The following NF1 variants were observed in gnomAD, a reference collection of about 807,000 sequenced individuals.
The protein encoded by NF1 is neurofibromin 1.
A neutral mutation model predicts 325.7 loss-of-function variants in NF1; 122 were observed. The ratio of observed to expected loss-of-function variants is 0.37; its 90% CI spans 0.32 to 0.44. The LOEUF (loss-of-function observed/expected upper bound fraction) is 0.44. Among genes scored for constraint, NF1 ranks in the 20% least tolerant of loss-of-function variants. The pLI, the probability that NF1 is intolerant of heterozygous loss-of-function variation, is 1.00. For synonymous variants in NF1, 1,091 were observed against 1,186.0 expected (o/e 0.92, Z 1.65); for missense variants, 2,140 against 3,415.4 (o/e 0.63, Z 9.31).
chr17:31,377,074 G>C lies in NF1; in HGVS notation c.*2919G>C. On this transcript the variant is annotated 3_prime_UTR_variant, in exon 58 of 58. Coordinates refer to ENST00000358273, the MANE Select transcript of NF1 (RefSeq NM_001042492.3). ...TTTGGGTTTTTTGTTTTTTGTTTTTGTTTCTACATCCTTCCCCGACTCCCA... is the reference window on the plus strand; with the variant it reads ...TTTGGGTTTTTTGTTTTTTGTTTTTCTTTCTACATCCTTCCCCGACTCCCA... 4.3e-6 allele frequency: 1 copy of C among 233,402 alleles called. No individual in the cohort carries two copies. Among genetic ancestry groups the C allele is most frequent in the South Asian group, 1.8e-4 (1 of 5,514 alleles). 14.5% of individuals were successfully genotyped at this position (233,402 alleles called of 1,614,324 possible). A position where few individuals can be genotyped will look rare whatever the true frequency, so the allele number is the denominator to read the frequency against.
At chr17:31,119,326 G>A (rs906850906) in intron 1 of NF1, among the ~76,000 whole-genome samples, 1 of 151,948 alleles carries the variant, frequency 6.6e-6, no homozygotes, top group Admixed American at 6.6e-5. Context: ...GGTGTGAGAT[G>A]GTATCTCATT....
chr17:31,372,575 C>T (rs1337632065), intron 57 of NF1, among the ~76,000 whole-genome samples: 1 of 152,192 alleles, frequency 6.6e-6, no homozygotes. Flanking sequence ...AAGAAGCCAT[C>T]CTCATGCCCC....
At chr17:31,145,004 A>T (rs1916490247) in intron 1 of NF1, among the ~76,000 whole-genome samples, 1 of 152,222 alleles carries the variant, frequency 6.6e-6, no homozygotes, top group Admixed American at 6.5e-5. Context: ...AAGGCTTTTC[A>T]TGATCTGACT....
intron 48 of NF1, among the ~76,000 whole-genome samples, chr17:31,347,056 C>A (rs1378901525): frequency 3.3e-5 from 5 of 150,928 alleles, no homozygotes; most frequent in African/African-American, 1.2e-4. Flanking sequence ...GTCTTGGGAA[C>A]CCCCTAAAGT....
intron 1 of NF1, among the ~76,000 whole-genome samples, chr17:31,114,880 C>A (rs1398238863): frequency 2.0e-5 from 3 of 152,094 alleles, no homozygotes; most frequent in African/African-American, 7.2e-5. Flanking sequence ...GAATACAAAT[C>A]TTTGGTGGTC....
intron 36 of NF1, among the ~76,000 whole-genome samples, chr17:31,289,824 T>A (rs1049653280): frequency 1.1e-4 from 16 of 152,300 alleles, no homozygotes; most frequent in South Asian, 4.1e-4. Flanking sequence ...CTTACTTTTT[T>A]AAAAATTTCA....
At position 31,342,845 on chromosome 17, in the gene NF1, A is replaced by G. The variant is rs559716522; in HGVS notation, c.7063-164A>G. Among the ~76,000 whole-genome samples the G allele has an allele frequency of 2.0e-5, 3 of 152,348 alleles. No individual in the cohort carries two copies. The East Asian group carries it at 5.8e-4, about 29-fold the overall frequency. ...GACTGTCTTGCACCAGTTAATTTGTAGTAGCTAAAATGTTCTGTGGTTTTC... is the reference window on the plus strand; with the variant it reads ...GACTGTCTTGCACCAGTTAATTTGTGGTAGCTAAAATGTTCTGTGGTTTTC... On this transcript the variant is annotated intron_variant, in intron 47 of 57. Transcript: ENST00000358273.
chr17:31,297,667 A>G (rs1235165714), intron 36 of NF1: 2 of 152,038 alleles, frequency 1.3e-5, no homozygotes, highest in Non-Finnish European at 2.9e-5. Flanking sequence ...GCCTTTTTAT[A>G]TTCCTTTCTA....
intron 36 of NF1, among the ~76,000 whole-genome samples, chr17:31,308,278 C>CA (rs1385927656): frequency 6.6e-6 from 1 of 152,046 alleles, no homozygotes; most frequent in East Asian, 1.9e-4. Context: ...GCTGGGACTA[C>CA]AGTAGGCATA....
At chr17:31,263,063 G>GA (rs1567864063) in intron 35 of NF1, among the ~76,000 whole-genome samples, 52 of 135,662 alleles carry the variant, frequency 3.8e-4, no homozygotes, top group Middle Eastern at 4.1e-3. Context: ...AGGTAGGTAG[G>GA]TAGGTAGATA....
chr17:31,321,545 A>G (rs753288838), intron 36 of NF1: 1 of 152,164 alleles, frequency 6.6e-6, no homozygotes, highest in Non-Finnish European at 1.5e-5. Flanking sequence ...TTGATAAACC[A>G]CTTCTTTTCT....
intron 31 of NF1, chr17:31,254,378 CAA>C (rs946687452): frequency 6.6e-6 from 1 of 150,874 alleles, no homozygotes; most frequent in Non-Finnish European, 1.5e-5. Context: ...AAATTCAAAT[CAA>C]AATTTAAATT....
rs1459482263 is a variant in NF1, at chr17:31,318,155, C to CTTCT, written c.4836-7664_4836-7661dup. The CTTCT allele has an allele frequency of 8.6e-6, 8 of 925,374 alleles. No homozygotes were observed. In the African/African-American group the frequency reaches 1.3e-4, roughly 15 times the overall value. The allele number at this position is 925,374 out of a possible 1,614,324, so 57.3% of individuals were successfully genotyped here. A position where few individuals can be genotyped will look rare whatever the true frequency, so the allele number is the denominator to read the frequency against. ...CAGTTTAAATAATTAAGCAGGCATA[C>CTTCT]TTCTCCCTGTCTCACCTGCTTGATT... On this transcript the variant is annotated intron_variant, in intron 36 of 57. Transcript: ENST00000358273.
At chr17:31,271,059 G>A (rs991111927) in intron 36 of NF1, among the ~76,000 whole-genome samples, 4 of 152,098 alleles carry the variant, frequency 2.6e-5, no homozygotes, top group African/African-American at 9.7e-5. Flanking sequence ...ATCAGAATTC[G>A]GTTTCAAACC....
intron 36 of NF1, among the ~76,000 whole-genome samples, chr17:31,311,453 A>G (rs1238185443): frequency 6.6e-6 from 1 of 152,214 alleles, no homozygotes; most frequent in Non-Finnish European, 1.5e-5. Flanking sequence ...TGATGCAAAT[A>G]TAATAGATTA....
chr17:31,169,464 A>G (rs990908900), intron 4 of NF1, among the ~76,000 whole-genome samples: 8 of 152,028 alleles, frequency 5.3e-5, no homozygotes, highest in Non-Finnish European at 7.4e-5. Context: ...CCTTATTTTT[A>G]TATATGTCTT....
chr17:31,305,033 G>T (rs1840923357), intron 36 of NF1: 1 of 1,614,020 alleles, frequency 6.2e-7, no homozygotes, highest in Non-Finnish European at 8.5e-7. Context: ...TGTGGGGTTT[G>T]TTTGTTACTG....
intron 1 of NF1, among the ~76,000 whole-genome samples, chr17:31,099,639 A>G (rs1194799396): frequency 6.7e-6 from 1 of 150,122 alleles, no homozygotes; most frequent in Non-Finnish European, 1.5e-5. Flanking sequence ...AGCATACTGC[A>G]ACCTCTGCCT....
intron 36 of NF1, among the ~76,000 whole-genome samples, chr17:31,313,792 C>G (rs996529336): frequency 4.0e-5 from 6 of 148,572 alleles, no homozygotes; most frequent in African/African-American, 1.5e-4. Context: ...TTATACAAAC[C>G]TAGGTGAAAA....
Sources: gnomAD v4.1 joint callset for allele counts (sites outside exome capture counted in the v4.1 genomes callset) on GRCh38, gnomAD v4.1.1 for gene constraint, MANE v1.5 for transcripts, NCBI Gene and HGNC (gene_info 2026-07-23, HGNC 2026-07-21) for gene names.